Variants in CDH12 observed in about 807,000 individuals in gnomAD.
The protein encoded by CDH12 is cadherin-12.
CDH12 carries 41 observed loss-of-function variants against 74.1 expected under a neutral mutation model. That is an observed-to-expected ratio of 0.55 (90% CI 0.43 to 0.72). The LOEUF is 0.72. Among genes scored for constraint, CDH12 ranks in the 30% least tolerant of loss-of-function variants. The pLI is 0.00. For synonymous variants in CDH12, 399 were observed against 355.0 expected (o/e 1.12, Z -1.39); for missense variants, 945 against 977.2 (o/e 0.97, Z 0.44).
intron 4 of CDH12, among the ~76,000 whole-genome samples, chr5:22,138,856 A>ATATATATATATATATATATATG (rs1746618000): frequency 1.6e-5 from 2 of 128,948 alleles, no homozygotes; most frequent in Admixed American, 1.6e-4. Context: ...ATATATATAT[A>ATATATATATATATATATATATG]TATATATATA....
chr5:22,120,097 T>A (rs1745416804), intron 4 of CDH12, among the ~76,000 whole-genome samples: 1 of 152,184 alleles, frequency 6.6e-6, no homozygotes, highest in South Asian at 2.1e-4. Context: ...TTCCTTCAGC[T>A]TTGTACAAAA....
chr5:21,918,707 T>C (rs1297811454), intron 6 of CDH12, among the ~76,000 whole-genome samples: 1 of 152,160 alleles, frequency 6.6e-6, no homozygotes, highest in Non-Finnish European at 1.5e-5. Context: ...GGTCCCACTC[T>C]TGACACATGG....
At position 22,223,396 on chromosome 5, in the gene CDH12, T is replaced by C. The variant is rs900707481; in HGVS notation, c.-332-10753A>G. ...TTGATCACAGTCTAAGAAAAAGATG[T>C]GTTTGATTTAGTCTAAAAGGGTCAG... On this transcript the variant is annotated intron_variant, in intron 3 of 14. Transcript: ENST00000382254. Among the ~76,000 whole-genome samples, 12 of 151,954 alleles carry C rather than the reference T, an allele frequency of 7.9e-5. 1 individual carries two copies. Among genetic ancestry groups the C allele is most frequent in the Admixed American group, 5.3e-4 (8 of 15,224 alleles).
intron 3 of CDH12, among the ~76,000 whole-genome samples, chr5:22,277,648 C>G (rs1237370893): frequency 6.4e-5 from 1 of 15,740 alleles, no homozygotes; most frequent in African/African-American, 1.7e-4. Flanking sequence ...GCCTGACCAA[C>G]ATGGAGAAAC....
In CDH12 at chr5:22,268,838, A is replaced by G. The variant is rs146662593; in HGVS notation, c.-332-56195T>C. On this transcript the variant is annotated intron_variant, in intron 3 of 14. Transcript: ENST00000382254. ...TATATAACAGTATTTTTAATTATTGAGCAACTCGTATGCATCATACTTTAC... is the reference window on the plus strand; with the variant it reads ...TATATAACAGTATTTTTAATTATTGGGCAACTCGTATGCATCATACTTTAC... Among the ~76,000 whole-genome samples, 507 of 152,238 alleles carry G rather than the reference A, an allele frequency of 3.3e-3. 1 individual carries two copies. The highest frequency in any genetic ancestry group is 0.012 in the African/African-American group (480 of 41,554).
intron 8 of CDH12, among the ~76,000 whole-genome samples, chr5:21,837,624 G>A (rs192875247): frequency 6.5e-4 from 99 of 152,156 alleles, no homozygotes; most frequent in Non-Finnish European, 1.1e-3. Flanking sequence ...ACACTTGACG[G>A]TTAATTGTGC....
chr5:22,823,686 C>T (rs1749849261), intron 1 of CDH12, among the ~76,000 whole-genome samples: 1 of 152,066 alleles, frequency 6.6e-6, no homozygotes, highest in Non-Finnish European at 1.5e-5. Flanking sequence ...GTGATTGGAT[C>T]ATGGGGGCAG....
At chr5:21,838,998 T>C (rs1396513811) in intron 8 of CDH12, among the ~76,000 whole-genome samples, 1 of 152,166 alleles carries the variant, frequency 6.6e-6, no homozygotes, top group Non-Finnish European at 1.5e-5. Flanking sequence ...CACTGGCTAT[T>C]TCCTACACTC....
chr5:22,637,223 C>A (rs1443144610), intron 1 of CDH12, among the ~76,000 whole-genome samples: 1 of 152,160 alleles, frequency 6.6e-6, no homozygotes, highest in Non-Finnish European at 1.5e-5. Context: ...TAAAATCGCA[C>A]AATGTAAGGC....
At chr5:22,280,915 A>G (rs1415642832) in intron 3 of CDH12, among the ~76,000 whole-genome samples, 1 of 152,170 alleles carries the variant, frequency 6.6e-6, no homozygotes, top group Non-Finnish European at 1.5e-5. Flanking sequence ...GCAGAGACAC[A>G]ACAAAAAAAG....
At chr5:22,283,314 C>T (rs1255060788) in intron 3 of CDH12, among the ~76,000 whole-genome samples, 1 of 148,472 alleles carries the variant, frequency 6.7e-6, no homozygotes, top group Non-Finnish European at 1.5e-5. Flanking sequence ...CATATATATA[C>T]ACACACAGCA....
At chr5:21,994,815 C>T (rs1338693353) in intron 5 of CDH12, among the ~76,000 whole-genome samples, 7 of 152,140 alleles carry the variant, frequency 4.6e-5, no homozygotes, top group Non-Finnish European at 8.8e-5. Context: ...TTTGTAAACA[C>T]ACCAATCAGT....
Position 21,953,638 on chromosome 5 carries a change from G to A in CDH12, c.526+21453C>T, listed in dbSNP as rs1315482410. On this transcript the variant is annotated intron_variant, in intron 6 of 14. Transcript: ENST00000382254. ...TCTCCACTCTTTGTTTCCAATTTTAGTTCTTTAAAGTAAAAGTACAAAACA... is the reference window on the plus strand; with the variant it reads ...TCTCCACTCTTTGTTTCCAATTTTAATTCTTTAAAGTAAAAGTACAAAACA... Among the ~76,000 whole-genome samples, 3 of 152,248 alleles carry A rather than the reference G, an allele frequency of 2.0e-5. No individual in the cohort carries two copies. In the East Asian group the frequency reaches 5.8e-4, roughly 29 times the overall value.
At chr5:21,756,188 T>C (rs954542786) in intron 13 of CDH12, among the ~76,000 whole-genome samples, 3 of 152,076 alleles carry the variant, frequency 2.0e-5, no homozygotes, top group African/African-American at 7.2e-5. Context: ...ATAGAAAATA[T>C]TACAAACTAT....
In CDH12 at chr5:21,790,107, C is replaced by T. The variant is rs538646717; in HGVS notation, c.1257-6613G>A. ...GTGTCTTTAGGCCCAGAAAACTCCTCAAGAGTTTTCCCAGATAAGATTGGG... is the reference window on the plus strand; with the variant it reads ...GTGTCTTTAGGCCCAGAAAACTCCTTAAGAGTTTTCCCAGATAAGATTGGG... On this transcript the variant is annotated intron_variant, in intron 10 of 14. Transcript: ENST00000382254. Among the ~76,000 whole-genome samples the T allele has an allele frequency of 4.1e-4, 63 of 152,092 alleles. 2 individuals carry two copies. The South Asian group carries it at 0.013, about 31-fold the overall frequency.
chr5:22,191,554 C>CTTTTTTTTTTTTTTTTTT lies in CDH12; in HGVS notation c.-187+20943_-187+20944insAAAAAAAAAAAAAAAAAA, dbSNP rs869248894. Among the ~76,000 whole-genome samples the CTTTTTTTTTTTTTTTTTT allele has an allele frequency of 3.6e-5, 2 of 55,202 alleles. 1 individual carries two copies. The allele number at this position is 55,202 out of a possible 152,430, so 36.2% of individuals were successfully genotyped here. A position where few individuals can be genotyped will look rare whatever the true frequency, so the allele number is the denominator to read the frequency against. ...TAAGTTGTCTATATACACCAATGGTCTTTTTATTTTTATTTTTTTTTTTTT... is the reference window on the plus strand; with the variant it reads ...TAAGTTGTCTATATACACCAATGGTCTTTTTTTTTTTTTTTTTTTTTTTATTTTTATTTTTTTTTTTTT... On this transcript the variant is annotated intron_variant, in intron 4 of 14. Coordinates refer to ENST00000382254, the MANE Select transcript of CDH12 (RefSeq NM_004061.5).
rs1737280506 is a variant in CDH12, at chr5:22,289,195, T to C, written c.-332-76552A>G. The stretch of plus-strand genomic sequence containing the variant: ...CTTATCAAGTCCCAGAGAGGATTGA[T>C]GAAAAATGACAAACAAGTCGTAATA... On this transcript the variant is annotated intron_variant, in intron 3 of 14. Transcript: ENST00000382254. Among the ~76,000 whole-genome samples the C allele has an allele frequency of 2.0e-5, 3 of 152,140 alleles. No individual in the cohort carries two copies. The South Asian group carries it at 6.2e-4, about 31-fold the overall frequency.
At chr5:22,406,703 T>C (rs1000160597) in intron 2 of CDH12, among the ~76,000 whole-genome samples, 3 of 152,120 alleles carry the variant, frequency 2.0e-5, no homozygotes, top group Admixed American at 2.0e-4. Context: ...GAGAGACTGA[T>C]AGTAGCTAAG....
chr5:21,797,544 C>A (rs1450265693), intron 10 of CDH12, among the ~76,000 whole-genome samples: 1 of 152,056 alleles, frequency 6.6e-6, no homozygotes, highest in Non-Finnish European at 1.5e-5. Context: ...TTTTGACAAC[C>A]CCTTGTGGAG....
Sources: gnomAD v4.1 joint callset for allele counts (sites outside exome capture counted in the v4.1 genomes callset) on GRCh38, gnomAD v4.1.1 for gene constraint, MANE v1.5 for transcripts, NCBI Gene and HGNC (gene_info 2026-07-23, HGNC 2026-07-21) for gene names.